WDR70: variants seen among roughly 807,000 people sequenced by gnomAD.
WDR70 encodes the protein WD repeat-containing protein 70.
WDR70 carries 53 observed loss-of-function variants against 88.6 expected under a neutral mutation model. That is an observed-to-expected ratio of 0.60 (90% CI 0.48 to 0.75). WDR70 has a LOEUF of 0.75. Among genes scored for constraint, WDR70 ranks in the 30% least tolerant of loss-of-function variants. The pLI is 0.00. For missense variants in WDR70, 610 were observed against 823.2 expected (o/e 0.74, Z 3.17); for synonymous variants, 280 against 270.0 (o/e 1.04, Z -0.36).
intron 9 of WDR70, among the ~76,000 whole-genome samples, chr5:37,549,406 T>C (rs1264674050): frequency 6.6e-6 from 1 of 152,166 alleles, no homozygotes; most frequent in African/African-American, 2.4e-5. Flanking sequence ...CTACTGTAAA[T>C]GAGATTTTTA....
At chr5:37,580,420 C>G (rs1052572189) in intron 9 of WDR70, among the ~76,000 whole-genome samples, 1 of 152,182 alleles carries the variant, frequency 6.6e-6, no homozygotes, top group African/African-American at 2.4e-5. Flanking sequence ...TACCATTGCT[C>G]TGGGTCTGAT....
intron 10 of WDR70, among the ~76,000 whole-genome samples, chr5:37,681,663 CT>C (rs916885975): frequency 9.9e-5 from 15 of 152,022 alleles, no homozygotes; most frequent in African/African-American, 3.6e-4. Flanking sequence ...TATCAAAAGC[CT>C]TTTTTGCATC....
intron 5 of WDR70, among the ~76,000 whole-genome samples, chr5:37,430,113 G>A (rs11948801): frequency 0.48 from 73,205 of 152,026 alleles, 19,990 homozygotes; most frequent in Non-Finnish European, 0.61. Context: ...CTTAAATGGC[G>A]TGAACCACTG....
At chr5:37,687,911 G>A (rs1746659208) in intron 10 of WDR70, 3 of 684,140 alleles carry the variant, frequency 4.4e-6, no homozygotes, top group Non-Finnish European at 8.1e-6. Flanking sequence ...CTTCTCCAGA[G>A]CAACAAGTTA....
chr5:37,401,923 T>C (rs1201743544), intron 5 of WDR70, among the ~76,000 whole-genome samples: 1 of 152,236 alleles, frequency 6.6e-6, no homozygotes, highest in African/African-American at 2.4e-5. Flanking sequence ...ATCATCTCTT[T>C]GTGTTGGCAA....
At chr5:37,645,073 A>G (rs1426028033) in intron 10 of WDR70, among the ~76,000 whole-genome samples, 1 of 150,956 alleles carries the variant, frequency 6.6e-6, no homozygotes, top group Non-Finnish European at 1.5e-5. Flanking sequence ...CCATTAGGTC[A>G]TTTATTTGAA....
At chr5:37,606,881 C>T (rs935855223) in intron 10 of WDR70, among the ~76,000 whole-genome samples, 3 of 104,506 alleles carry the variant, frequency 2.9e-5, no homozygotes, top group African/African-American at 4.1e-5. Context: ...AAATTCCTTG[C>T]TCCCCCCTCC....
At chr5:37,563,538 G>T (rs1471883122) in intron 9 of WDR70, among the ~76,000 whole-genome samples, 1 of 63,308 alleles carries the variant, frequency 1.6e-5, no homozygotes. Context: ...CGGATGGGGC[G>T]GCTGGCCGGG....
chr5:37,590,892 A>G (rs1313933570), intron 9 of WDR70, among the ~76,000 whole-genome samples: 1 of 152,172 alleles, frequency 6.6e-6, no homozygotes, highest in East Asian at 1.9e-4. Flanking sequence ...CAGAACAAAA[A>G]TCAGAGAGAG....
At chr5:37,466,432 C>A (rs1422142391) in intron 7 of WDR70, among the ~76,000 whole-genome samples, 1 of 152,306 alleles carries the variant, frequency 6.6e-6, no homozygotes, top group South Asian at 2.1e-4. Flanking sequence ...ATTGGCTGGG[C>A]GTGGTGGCTC....
In WDR70 at chr5:37,745,656, C is replaced by A. The variant is rs374754788; in HGVS notation, c.1878-6830C>A. ...AGTCTCTGACAAAGCAGACTTTAAACCAACAAAGATCAAAAAAGGCAAAGA... is the reference window on the plus strand; with the variant it reads ...AGTCTCTGACAAAGCAGACTTTAAAACAACAAAGATCAAAAAAGGCAAAGA... On this transcript the variant is annotated intron_variant, in intron 17 of 17. Coordinates refer to ENST00000265107, the MANE Select transcript of WDR70 (RefSeq NM_018034.4). Among the ~76,000 whole-genome samples, 45 of 151,396 alleles carry A rather than the reference C, an allele frequency of 3.0e-4. 2 individuals are homozygous for A. The South Asian group carries it at 9.2e-3, about 31-fold the overall frequency.
chr5:37,557,099 C>A (rs188643265), intron 9 of WDR70, among the ~76,000 whole-genome samples: 5 of 152,064 alleles, frequency 3.3e-5, no homozygotes, highest in African/African-American at 1.2e-4. Flanking sequence ...AATAAAAGAT[C>A]AGGTGAATTG....
intron 4 of WDR70, among the ~76,000 whole-genome samples, chr5:37,393,107 A>G (rs1480867449): frequency 6.6e-6 from 1 of 152,146 alleles, no homozygotes; most frequent in East Asian, 1.9e-4. Context: ...CAGTGGCACC[A>G]TCTCAGCTCA....
chr5:37,500,451 C>G (rs777844355), intron 8 of WDR70, among the ~76,000 whole-genome samples: 1 of 152,068 alleles, frequency 6.6e-6, no homozygotes. Flanking sequence ...TGGGTAGATA[C>G]GCAGTAGTGG....
intron 7 of WDR70, among the ~76,000 whole-genome samples, chr5:37,478,916 T>A (rs1739570697): frequency 6.6e-6 from 1 of 152,130 alleles, no homozygotes; most frequent in Non-Finnish European, 1.5e-5. Flanking sequence ...AAGATCAAGA[T>A]CAGTTTTAGT....
chr5:37,534,583 C>T (rs563999), intron 9 of WDR70, among the ~76,000 whole-genome samples: 14,786 of 150,684 alleles, frequency 0.098, 2,338 homozygotes, highest in African/African-American at 0.33. Flanking sequence ...CTGCAACCTC[C>T]GCCCCCTGGG....
At chr5:37,712,235 C>T (rs1341373855) in intron 13 of WDR70, among the ~76,000 whole-genome samples, 2 of 152,140 alleles carry the variant, frequency 1.3e-5, no homozygotes, top group East Asian at 3.9e-4. Flanking sequence ...TTGTGATCCA[C>T]CCGCCTCGGC....
chr5:37,428,853 T>C (rs1296355632), intron 5 of WDR70, among the ~76,000 whole-genome samples: 2 of 152,238 alleles, frequency 1.3e-5, no homozygotes, highest in Non-Finnish European at 2.9e-5. Flanking sequence ...ATTACCATTT[T>C]ACACTCTCAC....
intron 10 of WDR70, among the ~76,000 whole-genome samples, chr5:37,690,154 G>A: frequency 6.6e-6 from 1 of 152,066 alleles, no homozygotes; most frequent in Non-Finnish European, 1.5e-5. Flanking sequence ...AGAAGACAAG[G>A]TTAGAGAAAA....
Sources: gnomAD v4.1 joint callset for allele counts (sites outside exome capture counted in the v4.1 genomes callset) on GRCh38, gnomAD v4.1.1 for gene constraint, MANE v1.5 for transcripts, NCBI Gene and HGNC (gene_info 2026-07-23, HGNC 2026-07-21) for gene names.